Variants in GRM8 observed in about 807,000 individuals in gnomAD.
GRM8 encodes glutamate metabotropic receptor 8.
Under a neutral mutation model 87.2 loss-of-function variants are expected in GRM8, and 47 were observed. The ratio of observed to expected loss-of-function variants is 0.54; its 90% CI spans 0.43 to 0.69. GRM8 has a LOEUF of 0.69. Among genes scored for constraint, GRM8 ranks in the 30% least tolerant of loss-of-function variants. The pLI is 0.00. For synonymous variants in GRM8, 396 were observed against 404.5 expected (o/e 0.98, Z 0.25); for missense variants, 1,019 against 1,139.2 (o/e 0.89, Z 1.52).
intron 2 of GRM8, among the ~76,000 whole-genome samples, chr7:127,170,546 T>C (rs971732176): frequency 2.0e-5 from 3 of 152,202 alleles, no homozygotes; most frequent in Non-Finnish European, 1.5e-5. Flanking sequence ...CACATGCATG[T>C]ATACAGCAGC....
intron 6 of GRM8, among the ~76,000 whole-genome samples, chr7:126,780,595 G>T (rs1457470589): frequency 2.0e-5 from 3 of 152,170 alleles, no homozygotes; most frequent in Non-Finnish European, 4.4e-5. Flanking sequence ...AGGTGGGCAA[G>T]GGAAGTAGAG....
At chr7:126,912,096 C>T (rs1308881280) in intron 3 of GRM8, among the ~76,000 whole-genome samples, 1 of 152,114 alleles carries the variant, frequency 6.6e-6, no homozygotes, top group Non-Finnish European at 1.5e-5. Context: ...ACTTGGGAGG[C>T]TGAGGCAGGA....
chr7:126,678,347 C>T (rs1472452007), intron 7 of GRM8, among the ~76,000 whole-genome samples: 2 of 151,992 alleles, frequency 1.3e-5, no homozygotes, highest in Non-Finnish European at 2.9e-5. Context: ...CAAAGAATAC[C>T]GTGGAGTAAT....
rs17865495 is a variant in GRM8 at position 126,993,080 on chromosome 7, C to T, written c.728-88397G>A. On this transcript the variant is annotated intron_variant, in intron 3 of 10. Transcript: ENST00000339582. ...AGATATACAGTGCTCATGGATCAGACGACTTGAGGTTAAAATTTAAGATAC... is the reference window on the plus strand; with the variant it reads ...AGATATACAGTGCTCATGGATCAGATGACTTGAGGTTAAAATTTAAGATAC... 7.9e-3 allele frequency among the ~76,000 whole-genome samples: 1,199 copies of T among 152,158 alleles called. 17 individuals are homozygous for T. Among genetic ancestry groups the T allele is most frequent in the African/African-American group, 0.026 (1,095 of 41,480 alleles).
At chr7:126,454,353 A>T (rs749188609) in intron 9 of GRM8, among the ~76,000 whole-genome samples, 1 of 151,798 alleles carries the variant, frequency 6.6e-6, no homozygotes, top group Non-Finnish European at 1.5e-5. Context: ...AGTTGGTAAA[A>T]TTATGAAAAT....
chr7:126,815,838 A>T (rs1190812619), intron 6 of GRM8, among the ~76,000 whole-genome samples: 5 of 152,110 alleles, frequency 3.3e-5, no homozygotes, highest in Non-Finnish European at 7.4e-5. Context: ...CTCTCTTATC[A>T]GATGATAGCC....
chr7:126,507,445 C>A (rs138480825), intron 9 of GRM8, among the ~76,000 whole-genome samples: 1 of 152,072 alleles, frequency 6.6e-6, no homozygotes, highest in Non-Finnish European at 1.5e-5. Flanking sequence ...AATTACTTAA[C>A]AAATATTGGC....
intron 3 of GRM8, among the ~76,000 whole-genome samples, chr7:126,963,844 G>A (rs1204954890): frequency 1.3e-5 from 2 of 152,036 alleles, no homozygotes; most frequent in Admixed American, 6.6e-5. Context: ...CCAAAAAAGA[G>A]CCCACATAGC....
chr7:127,136,882 G>A (rs1184730035), intron 2 of GRM8, among the ~76,000 whole-genome samples: 7 of 151,790 alleles, frequency 4.6e-5, no homozygotes, highest in African/African-American at 1.7e-4. Flanking sequence ...CCACTCCTGA[G>A]AAAATTCCCC....
At chr7:127,004,337 A>C (rs1265036038) in intron 3 of GRM8, among the ~76,000 whole-genome samples, 2 of 151,692 alleles carry the variant, frequency 1.3e-5, no homozygotes, top group Admixed American at 1.3e-4. Flanking sequence ...AGATCAAAGA[A>C]ATGAATAGAC....
At chr7:126,716,757 T>G (rs1811790790) in intron 7 of GRM8, among the ~76,000 whole-genome samples, 1 of 152,106 alleles carries the variant, frequency 6.6e-6, no homozygotes. Context: ...TTTACAATGT[T>G]TGTAGGTAGA....
intron 7 of GRM8, among the ~76,000 whole-genome samples, chr7:126,710,100 T>C (rs1243424020): frequency 1.3e-5 from 2 of 152,230 alleles, no homozygotes; most frequent in Non-Finnish European, 2.9e-5. Context: ...ATAGCAGCAT[T>C]ATGTCTAAGA....
chr7:126,643,312 AAAAAAAAATATATATATATATATAT>A (rs1298532660), intron 7 of GRM8, among the ~76,000 whole-genome samples: 2 of 27,652 alleles, frequency 7.2e-5, no homozygotes, highest in African/African-American at 3.2e-4. Context: ...AAAAAAAAAA[AAAAAAAAATATATATATATATATAT>A]ATATATATAT....
intron 8 of GRM8, among the ~76,000 whole-genome samples, chr7:126,595,995 G>A (rs1797151251): frequency 6.6e-6 from 1 of 152,084 alleles, no homozygotes; most frequent in Non-Finnish European, 1.5e-5. Context: ...ATATCAGATG[G>A]GTGTGGTGGC....
chr7:126,469,198 T>C (rs1804855713), intron 9 of GRM8, among the ~76,000 whole-genome samples: 1 of 152,090 alleles, frequency 6.6e-6, no homozygotes, highest in Admixed American at 6.6e-5. Flanking sequence ...TATCACATTC[T>C]ATCTTATGAA....
At chr7:127,129,332 C>T (rs556521208) in intron 2 of GRM8, among the ~76,000 whole-genome samples, 1 of 152,194 alleles carries the variant, frequency 6.6e-6, no homozygotes, top group African/African-American at 2.4e-5. Flanking sequence ...TATTTATTTC[C>T]TTTGAACTGC....
intron 6 of GRM8, among the ~76,000 whole-genome samples, chr7:126,871,300 A>T (rs1452148616): frequency 1.3e-5 from 2 of 152,198 alleles, no homozygotes; most frequent in African/African-American, 2.4e-5. Context: ...TGTTCTGTGT[A>T]TGCATTTTAT....
At chr7:127,082,438 C>T (rs1822967486) in intron 3 of GRM8, among the ~76,000 whole-genome samples, 1 of 152,070 alleles carries the variant, frequency 6.6e-6, no homozygotes, top group Non-Finnish European at 1.5e-5. Context: ...TTAAGTTATT[C>T]ATGTCTCTGG....
intron 7 of GRM8, among the ~76,000 whole-genome samples, chr7:126,687,156 C>T (rs1808275160): frequency 6.6e-6 from 1 of 152,234 alleles, no homozygotes; most frequent in Non-Finnish European, 1.5e-5. Context: ...TCACTCCCCA[C>T]CACACATGTA....
Sources: allele counts gnomAD v4.1 joint callset (sites outside exome capture counted in the v4.1 genomes callset), GRCh38; gene constraint gnomAD v4.1.1; transcripts MANE v1.5; gene names NCBI Gene and HGNC (gene_info 2026-07-23, HGNC 2026-07-21).